The following MTUS2 variants were observed in gnomAD, a reference collection of about 807,000 sequenced individuals.
MTUS2 encodes the protein microtubule associated scaffold protein 2, also known as microtubule-associated tumor suppressor candidate 2.
Under a neutral mutation model 114.1 loss-of-function variants are expected in MTUS2, and 40 were observed. That is an observed-to-expected ratio of 0.35 (90% confidence interval 0.27 to 0.46). MTUS2 has a LOEUF of 0.46. Among genes scored for constraint, MTUS2 ranks in the 20% least tolerant of loss-of-function variants. The probability of loss-of-function intolerance (pLI) is 1.00; values close to 1 mark genes in which losing one functional copy is unlikely to be tolerated. For missense variants in MTUS2, 1,679 were observed against 1,705.4 expected (o/e 0.98, Z 0.27); for synonymous variants, 688 against 672.0 (o/e 1.02, Z -0.37).
intron 5 of MTUS2, among the ~76,000 whole-genome samples, chr13:29,113,424 G>A (rs1193999328): frequency 6.6e-6 from 1 of 152,160 alleles, no homozygotes; most frequent in Admixed American, 6.5e-5. Flanking sequence ...TCTTATTGCT[G>A]GTTTGTAATA....
intron 4 of MTUS2, among the ~76,000 whole-genome samples, chr13:29,042,186 A>C (rs1820887474): frequency 6.6e-6 from 1 of 151,958 alleles, no homozygotes; most frequent in Non-Finnish European, 1.5e-5. Context: ...GGGATGGTGG[A>C]TTTTGTCAAA....
chr13:29,368,401 G>T (rs906829364), intron 8 of MTUS2, among the ~76,000 whole-genome samples: 14 of 152,014 alleles, frequency 9.2e-5, no homozygotes, highest in Admixed American at 5.2e-4. Context: ...TAGATAGAAA[G>T]AATCAGTTCT....
chr13:29,468,905 T>C (rs1408212775), intron 9 of MTUS2, among the ~76,000 whole-genome samples: 9 of 152,194 alleles, frequency 5.9e-5, no homozygotes, highest in Non-Finnish European at 1.3e-4. Context: ...TGTCCTGTAA[T>C]TGAAGCTTAT....
intron 6 of MTUS2, among the ~76,000 whole-genome samples, chr13:29,286,459 T>C (rs1022366222): frequency 6.6e-6 from 1 of 152,170 alleles, no homozygotes; most frequent in Non-Finnish European, 1.5e-5. Flanking sequence ...CTAGTGTCTG[T>C]TTAAAGAGTT....
chr13:29,344,291 T>C (rs1868444203), intron 7 of MTUS2, among the ~76,000 whole-genome samples: 1 of 152,124 alleles, frequency 6.6e-6, no homozygotes, highest in Non-Finnish European at 1.5e-5. Context: ...ACCTCATTTT[T>C]TTAGGTCTAA....
chr13:29,320,872 C>A (rs1231354806), intron 6 of MTUS2, among the ~76,000 whole-genome samples: 1 of 152,150 alleles, frequency 6.6e-6, no homozygotes, highest in African/African-American at 2.4e-5. Context: ...TTAGGAGCTA[C>A]TGAAGGTCAG....
intron 10 of MTUS2, among the ~76,000 whole-genome samples, chr13:29,481,525 C>T (rs1593496339): frequency 6.6e-6 from 1 of 152,264 alleles, no homozygotes; most frequent in East Asian, 1.9e-4. Context: ...GAAGAGCACC[C>T]TTTAAATCTC....
chr13:29,288,967 T>C (rs78560226), intron 6 of MTUS2, among the ~76,000 whole-genome samples: 2,595 of 152,322 alleles, frequency 0.017, 79 homozygotes, highest in African/African-American at 0.059. Context: ...TTTTCTGGAT[T>C]GACTTTGCAT....
chr13:29,342,399 T>C (rs1566142415), intron 7 of MTUS2, among the ~76,000 whole-genome samples: 1 of 152,050 alleles, frequency 6.6e-6, no homozygotes, highest in Non-Finnish European at 1.5e-5. Context: ...TTCCAAGTGT[T>C]TTTTTGTTTG....
chr13:28,826,907 A>G (rs777420859), intron 1 of MTUS2, among the ~76,000 whole-genome samples: 2 of 152,250 alleles, frequency 1.3e-5, no homozygotes, highest in African/African-American at 2.4e-5. Flanking sequence ...AAAATTTAAT[A>G]TGAACACTAG....
chr13:29,460,279 G>C (rs540162460), intron 9 of MTUS2, among the ~76,000 whole-genome samples: 1 of 152,230 alleles, frequency 6.6e-6, no homozygotes, highest in South Asian at 2.1e-4. Context: ...TGCCTCTCAT[G>C]CATCCTCAGA....
intron 8 of MTUS2, among the ~76,000 whole-genome samples, 178 bp downstream of exon 8, chr13:29,359,651 G>A (rs990414979): frequency 6.6e-6 from 1 of 152,170 alleles, no homozygotes; most frequent in Middle Eastern, 3.2e-3. Context: ...GGGGAGCCAC[G>A]TTTATCCTTA....
At chr13:28,884,858 G>A (rs930577440) in intron 2 of MTUS2, among the ~76,000 whole-genome samples, 7 of 152,004 alleles carry the variant, frequency 4.6e-5, no homozygotes, top group African/African-American at 1.7e-4. Flanking sequence ...TTTGAGACAA[G>A]CCACAAATTT....
At chr13:28,996,881 T>A (rs1366685225) in intron 2 of MTUS2, among the ~76,000 whole-genome samples, 1 of 152,168 alleles carries the variant, frequency 6.6e-6, no homozygotes, top group Non-Finnish European at 1.5e-5. Flanking sequence ...TTGAAGGGAT[T>A]TTTGTGTCTC....
At chr13:29,228,242 T>C (rs1896188915) in intron 5 of MTUS2, among the ~76,000 whole-genome samples, 1 of 152,166 alleles carries the variant, frequency 6.6e-6, no homozygotes. Flanking sequence ...GTACAGACAT[T>C]AAAGAGAATG....
intron 2 of MTUS2, among the ~76,000 whole-genome samples, chr13:28,968,115 A>G (rs1566258897): frequency 6.6e-6 from 1 of 152,212 alleles, no homozygotes. Context: ...GACTGTATAG[A>G]AAGTATCTGC....
At chr13:29,324,435 T>C (rs1037758883) in intron 6 of MTUS2, among the ~76,000 whole-genome samples, 178 bp from the exon 7 acceptor site, 3 of 152,192 alleles carry the variant, frequency 2.0e-5, no homozygotes, top group African/African-American at 7.2e-5. Context: ...CCCTTTCCTA[T>C]AAAGAAGTGT....
intron 4 of MTUS2, among the ~76,000 whole-genome samples, chr13:29,090,479 G>A (rs1016657966): frequency 6.6e-6 from 1 of 152,196 alleles, no homozygotes. Flanking sequence ...CACCAGTGGA[G>A]TGACTGGGGG....
chr13:29,071,731 C>T (rs1888948471), intron 4 of MTUS2, among the ~76,000 whole-genome samples: 1 of 152,004 alleles, frequency 6.6e-6, no homozygotes, highest in Non-Finnish European at 1.5e-5. Flanking sequence ...TTCTTCAGGG[C>T]AGTTTTTCTT....
Sources: allele counts gnomAD v4.1 joint callset (sites outside exome capture counted in the v4.1 genomes callset), GRCh38; gene constraint gnomAD v4.1.1; transcripts MANE v1.5; gene names NCBI Gene and HGNC (gene_info 2026-07-23, HGNC 2026-07-21).